DOCK1: variants seen among roughly 807,000 people sequenced by gnomAD.
The protein encoded by DOCK1 is dedicator of cytokinesis protein 1.
DOCK1 carries 138 observed loss-of-function variants against 262.7 expected under a neutral mutation model. The ratio of observed to expected loss-of-function variants is 0.53; its 90% CI spans 0.46 to 0.61. The LOEUF (loss-of-function observed/expected upper bound fraction) is 0.61. Ranked by LOEUF, DOCK1 falls within the 20% of genes least tolerant of loss-of-function variation. The pLI is 0.00. For synonymous variants in DOCK1, 866 were observed against 867.4 expected, an observed-to-expected ratio of 1.00 and a Z score of 0.03; for missense variants, 1,908 against 2,370.7, an observed-to-expected ratio of 0.80 and a Z score of 4.05.
chr10:127,130,018 G>C (rs1415179309), intron 27 of DOCK1, among the ~76,000 whole-genome samples: 1 of 150,760 alleles, frequency 6.6e-6, no homozygotes, highest in Non-Finnish European at 1.5e-5. Flanking sequence ...TAGGGGGTGT[G>C]GTCCTGTCTC....
At chr10:127,188,433 G>C (rs998436212) in intron 27 of DOCK1, among the ~76,000 whole-genome samples, 1 of 152,118 alleles carries the variant, frequency 6.6e-6, no homozygotes. Flanking sequence ...TTAGAATTCT[G>C]TTCCCTTCTA....
intron 18 of DOCK1, among the ~76,000 whole-genome samples, chr10:127,036,440 CA>C (rs1377501164): frequency 4.6e-5 from 7 of 152,108 alleles, no homozygotes; most frequent in African/African-American, 1.7e-4. Context: ...TACCTATAGT[CA>C]CAATTAGAGT....
intron 50 of DOCK1, among the ~76,000 whole-genome samples, chr10:127,445,774 G>T (rs913832398): frequency 6.6e-6 from 1 of 152,198 alleles, no homozygotes; most frequent in African/African-American, 2.4e-5. Flanking sequence ...CTGATGGCCA[G>T]ATTAACAAAA....
chr10:127,350,355 G>A (rs983750004), intron 31 of DOCK1, among the ~76,000 whole-genome samples: 53 of 152,182 alleles, frequency 3.5e-4, no homozygotes, highest in African/African-American at 1.1e-3. Context: ...GTGTTCTGTA[G>A]CCCCACCCAC....
At chr10:127,450,782 T>C (rs918054236) in intron 51 of DOCK1, among the ~76,000 whole-genome samples, 5 of 152,178 alleles carry the variant, frequency 3.3e-5, no homozygotes, top group African/African-American at 4.8e-5. Flanking sequence ...CTGTGAATAG[T>C]TTTCTTGGAA....
chr10:127,089,401 C>G lies in DOCK1; in HGVS notation c.2446-16830C>G, dbSNP rs561282081. ...GCCTCTTGCGCCTCCTCCACCTAGC[C>G]CCTTCCTTCTTTTTTTCCTTGGCTT... is the stretch of plus-strand genomic sequence containing the variant. On this transcript the variant is annotated intron_variant, in intron 23 of 51. Coordinates refer to ENST00000623213, the MANE Select transcript of DOCK1 (RefSeq NM_001290223.2). Among the ~76,000 whole-genome samples the G allele has an allele frequency of 3.5e-4, 54 of 152,200 alleles. 1 individual carries two copies. The South Asian group carries it at 0.011, about 31-fold the overall frequency.
chr10:127,178,947 T>C (rs2133941439), intron 27 of DOCK1, among the ~76,000 whole-genome samples: 1 of 152,290 alleles, frequency 6.6e-6, no homozygotes, highest in East Asian at 1.9e-4. Context: ...AATCTTAACC[T>C]TCACTCTGAT....
chr10:127,361,280 A>AT (rs60174093), intron 32 of DOCK1, among the ~76,000 whole-genome samples: 25 of 151,524 alleles, frequency 1.6e-4, no homozygotes, highest in East Asian at 9.8e-4. Flanking sequence ...CGCCCAGCTG[A>AT]TTTTTTTGTA....
At chr10:126,907,178 G>A (rs1373899400) in intron 1 of DOCK1, among the ~76,000 whole-genome samples, 5 of 152,272 alleles carry the variant, frequency 3.3e-5, no homozygotes, top group South Asian at 4.1e-4. Flanking sequence ...GGGTTGTGGC[G>A]ACAGTGGGGG....
intron 29 of DOCK1, among the ~76,000 whole-genome samples, chr10:127,321,951 A>C (rs538938728): frequency 2.2e-4 from 34 of 151,790 alleles, no homozygotes; most frequent in Non-Finnish European, 4.3e-4. Context: ...AAAAATACAA[A>C]AATCAGCCAG....
chr10:126,975,045 C>T (rs1295614305), intron 2 of DOCK1, among the ~76,000 whole-genome samples: 2 of 152,034 alleles, frequency 1.3e-5, no homozygotes, highest in African/African-American at 2.4e-5. Flanking sequence ...TGTGAAGTGG[C>T]CTCTCGTTTG....
At chr10:126,965,727 T>TA (rs1490518399) in intron 1 of DOCK1, among the ~76,000 whole-genome samples, 1 of 152,200 alleles carries the variant, frequency 6.6e-6, no homozygotes, top group Non-Finnish European at 1.5e-5. Flanking sequence ...GAATGGGTGT[T>TA]ACATTTCATT....
rs1366450751 is a variant in DOCK1, at chr10:127,100,094, G to A, written c.2446-6137G>A. 1.3e-5 allele frequency among the ~76,000 whole-genome samples: 2 copies of A among 152,270 alleles called. No homozygotes were observed. Among genetic ancestry groups the A allele is most frequent in the Non-Finnish European group, 2.9e-5 (2 of 68,014 alleles). On this transcript the variant is annotated intron_variant, in intron 23 of 51. Transcript: ENST00000623213. This position sits in a 1 kb window ranked among gnomAD's most constrained non-coding sequence, Gnocchi z 5.5. ...CATGGCCCTCCATGGGTGTGGGATA[G>A]GTTCCCTGTGTCCCATGAGCAGGGG...
chr10:127,173,831 T>C (rs912694741), intron 27 of DOCK1, among the ~76,000 whole-genome samples: 4 of 152,188 alleles, frequency 2.6e-5, no homozygotes, highest in African/African-American at 9.7e-5. Context: ...GAACAAGGCC[T>C]TTTGGAAATG....
Position 127,041,894 on chromosome 10 carries a change from G to A in DOCK1, c.2011-731G>A, listed in dbSNP as rs183760826. ...TCTTCTTGACCTTCTCTTCTAATAC[G>A]AATCATCACTTCCAACACCGTGATC... On this transcript the variant is annotated intron_variant, in intron 19 of 51. Transcript: ENST00000623213. 2.8e-3 allele frequency among the ~76,000 whole-genome samples: 427 copies of A among 152,138 alleles called. 2 individuals are homozygous for A. The highest frequency in any genetic ancestry group is 9.0e-3 in the African/African-American group (375 of 41,502).
chr10:127,283,530 A>C (rs879839726), intron 29 of DOCK1, among the ~76,000 whole-genome samples: 2 of 152,208 alleles, frequency 1.3e-5, no homozygotes, highest in Admixed American at 6.5e-5. Flanking sequence ...AAAATGAAGG[A>C]GTGAAAAGAG....
At position 127,031,275 on chromosome 10, in the gene DOCK1, A is replaced by G. The variant is rs147746542; in HGVS notation, c.1625-375A>G. Among the ~76,000 whole-genome samples, 17 of 152,124 alleles carry G rather than the reference A, an allele frequency of 1.1e-4. No individual in the cohort carries two copies. The East Asian group carries it at 3.3e-3, about 30-fold the overall frequency. On this transcript the variant is annotated intron_variant, in intron 16 of 51. Coordinates refer to ENST00000623213, the MANE Select transcript of DOCK1 (RefSeq NM_001290223.2). ...AGGTTGAAAGCACACAGTCTTTCTCATTGTCATTTTACAGTTACTCTCGCT... is the reference window on the plus strand; with the variant it reads ...AGGTTGAAAGCACACAGTCTTTCTCGTTGTCATTTTACAGTTACTCTCGCT...
chr10:127,323,591 C>T (rs944627254), intron 29 of DOCK1, among the ~76,000 whole-genome samples: 2 of 152,126 alleles, frequency 1.3e-5, no homozygotes, highest in Non-Finnish European at 2.9e-5. Flanking sequence ...TTCAGCATCC[C>T]GCTTCCCCAG....
At chr10:127,413,806 G>A (rs1015689457) in intron 43 of DOCK1, among the ~76,000 whole-genome samples, 1 of 152,190 alleles carries the variant, frequency 6.6e-6, no homozygotes, top group African/African-American at 2.4e-5. Flanking sequence ...TGTGGGACAC[G>A]GAGGCCTTGC....
Sources: allele counts gnomAD v4.1 joint callset (sites outside exome capture counted in the v4.1 genomes callset), GRCh38; gene constraint gnomAD v4.1.1; non-coding constraint Gnocchi (gnomAD v3.1); transcripts MANE v1.5; gene names NCBI Gene and HGNC (gene_info 2026-07-23, HGNC 2026-07-21).